ARHGAP15: variants seen among roughly 807,000 people sequenced by gnomAD.
The protein encoded by ARHGAP15 is rho GTPase-activating protein 15.
ARHGAP15 carries 51 observed loss-of-function variants against 63.7 expected under a neutral mutation model. The ratio of observed to expected loss-of-function variants is 0.80; its 90% CI spans 0.64 to 1.01. ARHGAP15 has a LOEUF of 1.01. Ranked by LOEUF, ARHGAP15 falls within the 50% of genes least tolerant of loss-of-function variation. The pLI, the probability that ARHGAP15 is intolerant of heterozygous loss-of-function variation, is 0.00. For synonymous variants in ARHGAP15, 191 were observed against 193.8 expected (o/e 0.99, Z 0.12); for missense variants, 560 against 564.6 (o/e 0.99, Z 0.08).
At chr2:143,687,756 A>G (rs1281924384) in intron 12 of ARHGAP15, among the ~76,000 whole-genome samples, 1 of 152,244 alleles carries the variant, frequency 6.6e-6, no homozygotes, top group Non-Finnish European at 1.5e-5. Flanking sequence ...ACAGAGAATT[A>G]CTTTTATTAT....
chr2:143,274,076 A>G (rs1681427996), intron 6 of ARHGAP15, among the ~76,000 whole-genome samples: 1 of 152,146 alleles, frequency 6.6e-6, no homozygotes, highest in Admixed American at 6.5e-5. Flanking sequence ...TAAAATTTTT[A>G]AGTAAAATGT....
At position 143,435,582 on chromosome 2, in the gene ARHGAP15, CTT is replaced by C. The variant is rs11438710; in HGVS notation, c.475-6_475-5del. The C allele has an allele frequency of 1.1e-3, 1,476 of 1,351,166 alleles. No homozygotes were observed. Among genetic ancestry groups the C allele is most frequent in the South Asian group, 4.5e-3 (276 of 60,830 alleles). 83.7% of individuals were successfully genotyped at this position (1,351,166 alleles called of 1,614,324 possible). A position where few individuals can be genotyped will look rare whatever the true frequency, so the allele number is the denominator to read the frequency against. ...TTTCTTTACCTGTCTATTTCTTTTT[CTT>C]TTTTTTTTTTTTGCAGATCACAACA... On this transcript the variant is annotated splice_polypyrimidine_tract_variant and intron_variant, in intron 6 of 13. Coordinates refer to ENST00000295095, the MANE Select transcript of ARHGAP15 (RefSeq NM_018460.4).
intron 8 of ARHGAP15, among the ~76,000 whole-genome samples, chr2:143,464,508 A>G (rs551927171): frequency 1.3e-5 from 2 of 152,260 alleles, no homozygotes; most frequent in South Asian, 2.1e-4. Flanking sequence ...AAATAAATAA[A>G]TCCTCTGTAT....
intron 10 of ARHGAP15, among the ~76,000 whole-genome samples, chr2:143,554,045 A>G (rs574376276): frequency 6.6e-6 from 1 of 152,294 alleles, no homozygotes; most frequent in African/African-American, 2.4e-5. Context: ...CTAGCTAATT[A>G]GCAAAACAAA....
chr2:143,576,598 T>A (rs575511139), intron 11 of ARHGAP15, among the ~76,000 whole-genome samples: 33 of 152,228 alleles, frequency 2.2e-4, no homozygotes, highest in African/African-American at 7.7e-4. Flanking sequence ...TGAACACAAA[T>A]CTTTTAATCT....
At chr2:143,384,017 C>G (rs1166453108) in intron 6 of ARHGAP15, among the ~76,000 whole-genome samples, 1 of 152,108 alleles carries the variant, frequency 6.6e-6, no homozygotes, top group Non-Finnish European at 1.5e-5. Context: ...TGCCATCCTC[C>G]TCAGACAAGA....
chr2:143,204,867 C>T (rs1692264572), intron 3 of ARHGAP15, among the ~76,000 whole-genome samples: 1 of 151,908 alleles, frequency 6.6e-6, no homozygotes, highest in Admixed American at 6.6e-5. Context: ...ATTTGGATAT[C>T]TCATATGTTC....
chr2:143,262,535 A>ATTTTTTTTT (rs67267617), intron 6 of ARHGAP15, among the ~76,000 whole-genome samples: 3,307 of 90,684 alleles, frequency 0.036, 165 homozygotes, highest in Middle Eastern at 0.069. Context: ...TGAACCTTTG[A>ATTTTTTTTT]TTTTTTTTTT....
chr2:143,208,865 A>C (rs373059859), intron 3 of ARHGAP15, among the ~76,000 whole-genome samples: 1 of 152,090 alleles, frequency 6.6e-6, no homozygotes, highest in Non-Finnish European at 1.5e-5. Flanking sequence ...ATGTCTATGG[A>C]AAACCCTGCA....
At chr2:143,343,382 G>T (rs1685144471) in intron 6 of ARHGAP15, among the ~76,000 whole-genome samples, 1 of 151,946 alleles carries the variant, frequency 6.6e-6, no homozygotes, top group Admixed American at 6.6e-5. Flanking sequence ...GGGTGGGGTG[G>T]TCAGAAAGGG....
At chr2:143,765,949 T>C (rs527859612) in intron 13 of ARHGAP15, among the ~76,000 whole-genome samples, 4 of 152,240 alleles carry the variant, frequency 2.6e-5, no homozygotes, top group Middle Eastern at 3.4e-3. Flanking sequence ...CTTAGAACAG[T>C]AGTTGATTAT....
At chr2:143,422,652 T>G (rs1460647618) in intron 6 of ARHGAP15, among the ~76,000 whole-genome samples, 1 of 152,134 alleles carries the variant, frequency 6.6e-6, no homozygotes, top group Non-Finnish European at 1.5e-5. Context: ...TATGGTGCCT[T>G]GAACGCAAGT....
At chr2:143,379,795 C>T (rs576497818) in intron 6 of ARHGAP15, among the ~76,000 whole-genome samples, 4 of 151,746 alleles carry the variant, frequency 2.6e-5, no homozygotes, top group African/African-American at 7.2e-5. Flanking sequence ...AAAATAATGA[C>T]TATTTTTTTC....
At chr2:143,350,273 A>G (rs887542418) in intron 6 of ARHGAP15, among the ~76,000 whole-genome samples, 2 of 152,100 alleles carry the variant, frequency 1.3e-5, no homozygotes, top group East Asian at 3.9e-4. Flanking sequence ...TGCCTCCTGT[A>G]TGTATTCTAA....
At chr2:143,237,718 C>T (rs1693709562) in intron 5 of ARHGAP15, 1 of 152,180 alleles carries the variant, frequency 6.6e-6, no homozygotes, top group South Asian at 2.1e-4. Flanking sequence ...ATTCATCACA[C>T]ACTGCTCAGA....
chr2:143,428,354 CAG>C (rs1176426789), intron 6 of ARHGAP15, among the ~76,000 whole-genome samples: 2 of 151,632 alleles, frequency 1.3e-5, no homozygotes, highest in South Asian at 2.1e-4. Context: ...CCAGAGCACA[CAG>C]GGGCTGGCAT....
At chr2:143,288,796 G>A (rs143767478) in intron 6 of ARHGAP15, among the ~76,000 whole-genome samples, 3 of 151,676 alleles carry the variant, frequency 2.0e-5, no homozygotes, top group African/African-American at 7.3e-5. Flanking sequence ...TGCTGCCTTT[G>A]TTCTCGGGGG....
chr2:143,733,883 A>G (rs373704449), intron 13 of ARHGAP15, among the ~76,000 whole-genome samples: 2 of 152,176 alleles, frequency 1.3e-5, no homozygotes, highest in East Asian at 1.9e-4. Context: ...AATCTATAAT[A>G]TCTACAAAAT....
At chr2:143,428,995 A>C (rs1444477020) in intron 6 of ARHGAP15, among the ~76,000 whole-genome samples, 1 of 151,986 alleles carries the variant, frequency 6.6e-6, no homozygotes, top group Admixed American at 6.6e-5. Context: ...AGAGCAATAA[A>C]AGTCTAAGTT....
Sources: gnomAD v4.1 joint callset for allele counts (sites outside exome capture counted in the v4.1 genomes callset) on GRCh38, gnomAD v4.1.1 for gene constraint, MANE v1.5 for transcripts, NCBI Gene and HGNC (gene_info 2026-07-23, HGNC 2026-07-21) for gene names.